Variants in CD109 observed in about 807,000 individuals in gnomAD.
CD109 encodes CD109 molecule.
In CD109, 149 loss-of-function variants were observed where a neutral mutation model predicts 165.8. The ratio of observed to expected loss-of-function variants is 0.90; its 90% CI spans 0.79 to 1.03. The LOEUF (loss-of-function observed/expected upper bound fraction) is 1.03, where lower values mean the gene tolerates loss of function less well. CD109 is among the 50% of genes least tolerant of loss of function. CD109 has a pLI of 0.00. For missense variants in CD109, 1,712 were observed against 1,677.8 expected (o/e 1.02, Z -0.36); for synonymous variants, 585 against 592.1 (o/e 0.99, Z 0.18).
At chr6:73,785,992 C>T (rs914344959) in intron 20 of CD109, among the ~76,000 whole-genome samples, 5 of 152,062 alleles carry the variant, frequency 3.3e-5, no homozygotes, top group African/African-American at 7.2e-5. Context: ...TACAAGGGTG[C>T]ACCACCACGC....
intron 2 of CD109, among the ~76,000 whole-genome samples, chr6:73,702,737 T>C (rs913261765): frequency 8.5e-5 from 13 of 152,206 alleles, no homozygotes; most frequent in African/African-American, 3.1e-4. Flanking sequence ...AGTTTCATCA[T>C]CTGAAAAATA....
intron 8 of CD109, 37 bp from the exon 9 acceptor site, chr6:73,762,703 TA>T: frequency 1.3e-6 from 2 of 1,530,776 alleles, no homozygotes; most frequent in South Asian, 1.2e-5. Context: ...TTTGAATTGC[TA>T]AAATGGTAAA....
intron 26 of CD109, among the ~76,000 whole-genome samples, chr6:73,808,489 G>A (rs1775649544): frequency 6.6e-6 from 1 of 152,048 alleles, no homozygotes; most frequent in Non-Finnish European, 1.5e-5. Context: ...CCCTATGTCA[G>A]TTACCCTTTG....
rs561303169 is a variant in CD109 at position 73,803,369 on chromosome 6, C to T, written c.2960+68C>T. On this transcript the variant is annotated intron_variant, in intron 24 of 32. Coordinates refer to ENST00000287097, the MANE Select transcript of CD109 (RefSeq NM_133493.5). ...GGCTTTCACTAGGTCACAATAGCCACGAAATTGACAGATATATCTCTATAT... is the reference window on the plus strand; with the variant it reads ...GGCTTTCACTAGGTCACAATAGCCATGAAATTGACAGATATATCTCTATAT... The T allele has an allele frequency of 5.4e-5, 61 of 1,120,366 alleles. 1 individual carries two copies. Among genetic ancestry groups the T allele is most frequent in the African/African-American group, 1.7e-4 (11 of 63,924 alleles). 69.4% of individuals were successfully genotyped at this position (1,120,366 alleles called of 1,614,324 possible).
chr6:73,798,842 G>A (rs964442463), intron 23 of CD109, among the ~76,000 whole-genome samples: 6 of 152,180 alleles, frequency 3.9e-5, no homozygotes, highest in African/African-American at 1.2e-4. Flanking sequence ...TGGAACTGCC[G>A]TTGTTGATGT....
At chr6:73,684,485 T>A in the CD109 span, among the ~76,000 whole-genome samples, 1 of 149,942 alleles carries the variant, frequency 6.7e-6, no homozygotes, top group African/African-American at 2.5e-5. Flanking sequence ...CCTCCCAAAG[T>A]GCTGGGATTA....
intron 5 of CD109, among the ~76,000 whole-genome samples, chr6:73,739,954 G>A (rs540088192): frequency 2.0e-5 from 3 of 152,216 alleles, no homozygotes; most frequent in South Asian, 4.1e-4. Flanking sequence ...CTGCAGCCTC[G>A]AACTCCTGGG....
chr6:73,720,226 C>A (rs1001563117), intron 2 of CD109, among the ~76,000 whole-genome samples: 5 of 151,900 alleles, frequency 3.3e-5, no homozygotes, highest in Non-Finnish European at 7.4e-5. Context: ...CATGGATGAA[C>A]TTGGAGGACA....
upstream of CD109, chr6:73,695,540 CT>C (rs5877378): frequency 0.36 from 53,786 of 148,066 alleles, 10,827 homozygotes; most frequent in Non-Finnish European, 0.48. Context: ...TTCTCTTCTT[CT>C]TTTTTTTTTT....
chr6:73,697,294 T>C (rs1361154513), intron 1 of CD109, 106 bp from the exon 2 acceptor site: 5 of 935,364 alleles, frequency 5.3e-6, no homozygotes, highest in Non-Finnish European at 8.2e-6. Flanking sequence ...ACAACTGCAA[T>C]TGGCGCAGTA....
intron 13 of CD109, 141 bp from the exon 14 acceptor site, chr6:73,767,914 G>A: frequency 1.4e-6 from 1 of 691,924 alleles, no homozygotes; most frequent in South Asian, 1.8e-5. Context: ...TTGTCAGAGA[G>A]GTTTTCCTGC....
intron 18 of CD109, among the ~76,000 whole-genome samples, chr6:73,783,368 A>T (rs998454420): frequency 1.3e-5 from 2 of 152,254 alleles, no homozygotes; most frequent in Non-Finnish European, 2.9e-5. Context: ...AACTTCTGCA[A>T]ATTTAGAGAA....
chr6:73,826,960 A>G lies in CD109; in HGVS notation c.*3327A>G, dbSNP rs940711732. Reference sequence around the variant, plus strand: ...TAATACCAACTATTTTTATTTTTACATAATTCAATTATTTCATTTGACATG... The same window carrying G: ...TAATACCAACTATTTTTATTTTTACGTAATTCAATTATTTCATTTGACATG... On this transcript the variant is annotated 3_prime_UTR_variant, in exon 33 of 33. Coordinates refer to ENST00000287097, the MANE Select transcript of CD109 (RefSeq NM_133493.5). 6.6e-6 allele frequency: 1 copy of G among 151,918 alleles called. No homozygotes were observed. Among genetic ancestry groups the G allele is most frequent in the African/African-American group, 2.4e-5 (1 of 41,330 alleles). 9.4% of individuals were successfully genotyped at this position (151,918 alleles called of 1,614,324 possible).
At chr6:73,722,022 C>T (rs984714622) in intron 2 of CD109, among the ~76,000 whole-genome samples, 1 of 152,148 alleles carries the variant, frequency 6.6e-6, no homozygotes, top group Non-Finnish European at 1.5e-5. Context: ...AGGTGTGAGC[C>T]ACTGTGCCTG....
intron 3 of CD109, 50 bp from the exon 4 acceptor site, chr6:73,730,294 T>C (rs771671429): frequency 9.6e-6 from 11 of 1,148,318 alleles, no homozygotes; most frequent in Non-Finnish European, 1.4e-5. Flanking sequence ...TTAAAACATT[T>C]TTGAGGTAAA....
At chr6:73,746,478 T>G (rs566246169) in intron 5 of CD109, among the ~76,000 whole-genome samples, 1 of 152,312 alleles carries the variant, frequency 6.6e-6, no homozygotes, top group African/African-American at 2.4e-5. Context: ...GGTGGTCATG[T>G]TACATGTCTT....
Position 73,823,667 on chromosome 6 carries a change from T to C in CD109, c.*34T>C, listed in dbSNP as rs1291340185. On this transcript the variant is annotated 3_prime_UTR_variant, in exon 33 of 33. Transcript: ENST00000287097. ...TAAAGGACTCTGTGTAACACTAACA[T>C]TTCCAGTAGTCACATGTGATTGTTT... The C allele has an allele frequency of 3.9e-6, 6 of 1,542,724 alleles. No individual in the cohort carries two copies. The East Asian group carries it at 1.4e-4, about 35-fold the overall frequency.
At position 73,766,854 on chromosome 6, in the gene CD109, T is replaced by C; in HGVS notation, c.1428T>C (p.Asn476=). The C allele has an allele frequency of 6.2e-7, 1 of 1,610,976 alleles. No homozygotes were observed. Among genetic ancestry groups the C allele is most frequent in the Non-Finnish European group, 8.5e-7 (1 of 1,177,476 alleles). Residue 476 remains asparagine, a synonymous_variant, in exon 12 of 33, where the codon AAT becomes AAC. Transcript: ENST00000287097. The part of the protein sequence containing the change: ...TYIQLKTRDE[N]IKVGSPFELV... ...TCCAACTAAAAACAAGAGATGAAAA[T>C]ATAAAGGTAATGCTTACAATTCACT... is the stretch of plus-strand genomic sequence containing the variant.
intron 4 of CD109, 42 bp downstream of exon 4, chr6:73,730,616 T>C (rs1377596308): frequency 7.8e-7 from 1 of 1,287,538 alleles, no homozygotes; most frequent in South Asian, 1.2e-5. Context: ...TCTAGCCATC[T>C]TACTAAACCC....
Sources: gnomAD v4.1 joint callset for allele counts (sites outside exome capture counted in the v4.1 genomes callset) on GRCh38, gnomAD v4.1.1 for gene constraint, MANE v1.5 for transcripts, NCBI Gene and HGNC (gene_info 2026-07-23, HGNC 2026-07-21) for gene names.